The following AFAP1 variants were observed in gnomAD, a reference collection of about 807,000 sequenced individuals.
AFAP1 encodes the protein actin filament-associated protein 1.
A neutral mutation model predicts 93.9 loss-of-function variants in AFAP1; 75 were observed. The observed-to-expected ratio is 0.80, with a 90% CI of 0.66 to 0.97. AFAP1 has a LOEUF of 0.97. Ranked by LOEUF, AFAP1 falls within the 50% of genes least tolerant of loss-of-function variation. AFAP1 has a pLI of 0.00. For synonymous variants in AFAP1, 517 were observed against 430.7 expected, an observed-to-expected ratio of 1.20 and a Z score of -2.48; for missense variants, 1,201 against 1,050.8, an observed-to-expected ratio of 1.14 and a Z score of -1.98.
chr4:7,914,893 G>A (rs10938695), intron 1 of AFAP1, among the ~76,000 whole-genome samples: 56,924 of 151,736 alleles, frequency 0.38, 11,009 homozygotes, highest in African/African-American at 0.46. Flanking sequence ...GATTATGGGC[G>A]CCCACCACCA....
intron 17 of AFAP1, among the ~76,000 whole-genome samples, chr4:7,768,393 C>G (rs954999313): frequency 2.0e-5 from 3 of 152,218 alleles, no homozygotes; most frequent in African/African-American, 7.2e-5. Flanking sequence ...CCCTCAGAGC[C>G]CGATTCATGC....
intron 17 of AFAP1, 110 bp downstream of exon 17, chr4:7,768,734 C>T: frequency 1.5e-6 from 2 of 1,329,746 alleles, no homozygotes; most frequent in Non-Finnish European, 2.0e-6. Flanking sequence ...GGCTGAGTGC[C>T]AAGTGGATGC....
intron 12 of AFAP1, among the ~76,000 whole-genome samples, chr4:7,785,904 T>A (rs1717212955): frequency 6.6e-6 from 1 of 152,178 alleles, no homozygotes; most frequent in South Asian, 2.1e-4. Context: ...ACCACTGCAC[T>A]CCAGCCTGGG....
At chr4:7,862,568 C>G (rs1409635460) in intron 3 of AFAP1, among the ~76,000 whole-genome samples, 5 of 152,100 alleles carry the variant, frequency 3.3e-5, no homozygotes, top group African/African-American at 1.2e-4. Flanking sequence ...GAACCGTACA[C>G]TAAAAATGGT....
At chr4:7,778,701 A>C in intron 14 of AFAP1, 61 bp downstream of exon 14, 3 of 1,527,850 alleles carry the variant, frequency 2.0e-6, no homozygotes, top group Non-Finnish European at 2.7e-6. Context: ...AGGCTCAGAC[A>C]GGCCCAGCTC....
intron 6 of AFAP1, among the ~76,000 whole-genome samples, chr4:7,827,988 G>C (rs746996220): frequency 6.6e-6 from 1 of 152,202 alleles, no homozygotes; most frequent in Non-Finnish European, 1.5e-5. Context: ...GAAAGTGACT[G>C]AACACCCAAA....
Position 7,845,754 on chromosome 4 carries a change from T to C in AFAP1, c.335-2404A>G, listed in dbSNP as rs1399910989. ...CCTACACTCACCAAGCACCCCCTGC[T>C]TCACAGGGCAGCCACAGGGGGTTAC... On this transcript the variant is annotated intron_variant, in intron 4 of 17. Coordinates refer to ENST00000420658, the MANE Select transcript of AFAP1 (RefSeq NM_001134647.2). Among the ~76,000 whole-genome samples, 3 of 152,092 alleles carry C rather than the reference T, an allele frequency of 2.0e-5. No individual in the cohort carries two copies. In the East Asian group the frequency reaches 5.8e-4, roughly 29 times the overall value.
At chr4:7,800,289 G>A (rs1185925147) in intron 10 of AFAP1, among the ~76,000 whole-genome samples, 153 bp downstream of exon 10, 1 of 144,320 alleles carries the variant, frequency 6.9e-6, no homozygotes, top group African/African-American at 2.5e-5. Flanking sequence ...AAAGACTCAT[G>A]GACTGGGCAG....
At chr4:7,822,900 C>CA (rs1721099938) in intron 6 of AFAP1, among the ~76,000 whole-genome samples, 2 of 147,796 alleles carry the variant, frequency 1.4e-5, no homozygotes, top group Non-Finnish European at 3.0e-5. Flanking sequence ...GCCCCTCTTT[C>CA]TTTTTTTTTT....
intron 1 of AFAP1, among the ~76,000 whole-genome samples, chr4:7,927,629 A>C (rs1577366214): frequency 1.3e-5 from 2 of 152,308 alleles, no homozygotes; most frequent in Admixed American, 1.3e-4. Flanking sequence ...GTTTAAGACC[A>C]GTGTGGGCAA....
At chr4:7,885,266 A>G (rs1718079966) in intron 1 of AFAP1, among the ~76,000 whole-genome samples, 1 of 152,076 alleles carries the variant, frequency 6.6e-6, no homozygotes, top group Non-Finnish European at 1.5e-5. Context: ...AGGCCTTCTC[A>G]ATCCCTCAGT....
chr4:7,830,323 C>A (rs1721778226), intron 6 of AFAP1, among the ~76,000 whole-genome samples: 1 of 152,044 alleles, frequency 6.6e-6, no homozygotes, highest in African/African-American at 2.4e-5. Context: ...AAGGTGTGCA[C>A]ATACTAAATA....
At chr4:7,831,897 T>G (rs750165701) in intron 6 of AFAP1, among the ~76,000 whole-genome samples, 4 of 152,106 alleles carry the variant, frequency 2.6e-5, no homozygotes, top group Non-Finnish European at 5.9e-5. Context: ...GGGATGGCAC[T>G]ATGGTCATAG....
At chr4:7,828,187 A>G (rs1172403280) in intron 6 of AFAP1, among the ~76,000 whole-genome samples, 1 of 152,058 alleles carries the variant, frequency 6.6e-6, no homozygotes, top group East Asian at 1.9e-4. Flanking sequence ...CATTAAAGCC[A>G]CTCTGTGTTC....
rs575257827 is a variant in AFAP1, at chr4:7,821,900, G to A, written c.727-2729C>T. Among the ~76,000 whole-genome samples, 11 of 152,300 alleles carry A rather than the reference G, an allele frequency of 7.2e-5. No homozygotes were observed. In the South Asian group the frequency reaches 2.1e-3, roughly 29 times the overall value. On this transcript the variant is annotated intron_variant, in intron 6 of 17. Coordinates refer to ENST00000420658, the MANE Select transcript of AFAP1 (RefSeq NM_001134647.2). The stretch of plus-strand genomic sequence containing the variant: ...TCCACAGTTGAGACTACAAAAGAGA[G>A]AAAGAAAATGAAAGAAGAAACCCAG...
chr4:7,906,567 C>A (rs1315126735), intron 1 of AFAP1, among the ~76,000 whole-genome samples: 1 of 152,158 alleles, frequency 6.6e-6, no homozygotes, highest in South Asian at 2.1e-4. Context: ...AGTATCACTC[C>A]GGCCCAGTGC....
Position 7,939,244 on chromosome 4 carries a change from C to G in AFAP1, c.-3+412G>C. On this transcript the variant is annotated intron_variant, in intron 1 of 17. Transcript: ENST00000420658. The surrounding 1 kb of genome is among the most constrained non-coding windows in gnomAD (Gnocchi z 5.6). Reference sequence around the variant, plus strand: ...GGTCCGCGCAGTCCCCTCGGTAAGTCGGACGAAGCAGTCTCGCTACGGGGG... The same window carrying G: ...GGTCCGCGCAGTCCCCTCGGTAAGTGGGACGAAGCAGTCTCGCTACGGGGG... 3.7e-6 allele frequency: 1 copy of G among 271,730 alleles called. No homozygotes were observed. Among genetic ancestry groups the G allele is most frequent in the Non-Finnish European group, 7.5e-6 (1 of 133,980 alleles). The allele number at this position is 271,730 out of a possible 1,614,324, so 16.8% of individuals were successfully genotyped here.
chr4:7,824,345 G>A (rs776681946), intron 6 of AFAP1, among the ~76,000 whole-genome samples: 8 of 152,066 alleles, frequency 5.3e-5, no homozygotes, highest in Non-Finnish European at 1.0e-4. Flanking sequence ...AAGGAAATCT[G>A]ACCACTCCGT....
intron 4 of AFAP1, among the ~76,000 whole-genome samples, chr4:7,847,965 C>G (rs1048820144): frequency 3.3e-5 from 5 of 151,716 alleles, no homozygotes; most frequent in African/African-American, 1.2e-4. Flanking sequence ...TCTAGGGAAA[C>G]AGAAGCCATA....
Sources: allele counts gnomAD v4.1 joint callset (sites outside exome capture counted in the v4.1 genomes callset), GRCh38; gene constraint gnomAD v4.1.1; non-coding constraint Gnocchi (gnomAD v3.1); transcripts MANE v1.5; gene names NCBI Gene and HGNC (gene_info 2026-07-23, HGNC 2026-07-21).